The following SLC5A12 variants were observed in gnomAD, a reference collection of about 807,000 sequenced individuals.
SLC5A12 encodes solute carrier family 5 member 12.
SLC5A12 carries 46 observed loss-of-function variants against 72.7 expected under a neutral mutation model. The observed-to-expected ratio is 0.63, with a 90% confidence interval of 0.50 to 0.81. The LOEUF is 0.81. Among genes scored for constraint, SLC5A12 ranks in the 30% least tolerant of loss-of-function variants. The pLI is 0.00. For synonymous variants in SLC5A12, 275 were observed against 264.4 expected (o/e 1.04, Z -0.39); for missense variants, 683 against 740.7 (o/e 0.92, Z 0.90).
At chr11:26,720,499 A>C (rs1219081753) in intron 1 of SLC5A12, among the ~76,000 whole-genome samples, 1 of 152,082 alleles carries the variant, frequency 6.6e-6, no homozygotes, top group Non-Finnish European at 1.5e-5. Flanking sequence ...CTTCCTAAAA[A>C]GTGTTCATTT....
At chr11:26,716,154 C>T (rs1031404703) in intron 1 of SLC5A12, 3 of 152,016 alleles carry the variant, frequency 2.0e-5, no homozygotes, top group Admixed American at 1.3e-4. Flanking sequence ...AGTAAAGCCA[C>T]GAGGCTATTG....
At chr11:26,676,491 A>G (rs1410687953) in intron 13 of SLC5A12, among the ~76,000 whole-genome samples, 1 of 152,138 alleles carries the variant, frequency 6.6e-6, no homozygotes, top group Non-Finnish European at 1.5e-5. Flanking sequence ...TTTATGGTAA[A>G]TGAGAAAAAT....
Position 26,711,402 on chromosome 11 carries a change from T to C in SLC5A12, c.406-44A>G, listed in dbSNP as rs771327479. 9 of 1,524,256 alleles carry C rather than the reference T, an allele frequency of 5.9e-6. No homozygotes were observed. The Admixed American group carries it at 6.8e-5, about 12-fold the overall frequency. The allele number at this position is 1,524,256 out of a possible 1,614,324, so 94.4% of individuals were successfully genotyped here. ...TCAGATTGGCAGTGAGAAAGGGACA[T>C]AGAAAGGAAAACTGCCTAGAAAGTT... On this transcript the variant is annotated intron_variant, in intron 2 of 14. Coordinates refer to ENST00000396005, the MANE Select transcript of SLC5A12 (RefSeq NM_178498.4).
chr11:26,721,586 A>G lies in SLC5A12; in HGVS notation c.129T>C (p.Val43=), dbSNP rs1457468401. 1 of 1,614,040 alleles carries G rather than the reference A, an allele frequency of 6.2e-7. No individual in the cohort carries two copies. The highest frequency in any genetic ancestry group is 1.3e-5 in the African/African-American group (1 of 74,924). ...RKKATSREFL[V]GGRQMSFGPV... is the part of the protein sequence containing the mutation. ...GGCCAAAGCTCATTTGCCTTCCCCC[A>G]ACCAGGAACTCTCGGGAAGTTGCCT... Residue 43 remains valine (V), a synonymous_variant, in exon 1 of 15, where the codon GTT becomes GTC. Coordinates refer to ENST00000396005, the MANE Select transcript of SLC5A12 (RefSeq NM_178498.4).
At chr11:26,716,647 T>A (rs1197563544) in intron 1 of SLC5A12, among the ~76,000 whole-genome samples, 1 of 152,234 alleles carries the variant, frequency 6.6e-6, no homozygotes, top group East Asian at 1.9e-4. Context: ...ACTTTTCAGG[T>A]TGGTTCGAGC....
At chr11:26,686,300 G>GTTC (rs56772342) in intron 10 of SLC5A12, among the ~76,000 whole-genome samples, 177 bp downstream of exon 10, 141,399 of 152,050 alleles carry the variant, frequency 0.93, 65,827 homozygotes, top group East Asian at 1. Flanking sequence ...GAAAAGATAA[G>GTTC]TTCTTTTTTT....
chr11:26,698,223 A>G (rs184756296), intron 7 of SLC5A12, among the ~76,000 whole-genome samples, 183 bp downstream of exon 7: 43 of 152,074 alleles, frequency 2.8e-4, no homozygotes, highest in Non-Finnish European at 6.2e-4. Context: ...TTACATGCTC[A>G]TTCCCCTGTA....
intron 1 of SLC5A12, among the ~76,000 whole-genome samples, chr11:26,718,524 C>T (rs1310217767): frequency 1.3e-5 from 2 of 152,168 alleles, no homozygotes; most frequent in African/African-American, 2.4e-5. Flanking sequence ...CAGTGGATCT[C>T]GGCAGTTCAC....
intron 6 of SLC5A12, among the ~76,000 whole-genome samples, chr11:26,702,785 T>A (rs1269160739): frequency 2.6e-5 from 4 of 152,198 alleles, no homozygotes; most frequent in African/African-American, 4.8e-5. Flanking sequence ...AGTACAAACA[T>A]CTGTTAAGTG....
chr11:26,711,184 G>T, intron 3 of SLC5A12, 123 bp downstream of exon 3: 1 of 752,714 alleles, frequency 1.3e-6, no homozygotes, highest in Non-Finnish European at 2.3e-6. Flanking sequence ...ACTTCTAATA[G>T]TAATTCAGAA....
intron 9 of SLC5A12, among the ~76,000 whole-genome samples, chr11:26,686,749 C>T (rs1854545371): frequency 6.6e-6 from 1 of 152,170 alleles, no homozygotes; most frequent in African/African-American, 2.4e-5. Flanking sequence ...CAATGACCTG[C>T]TTCCTCATCA....
At chr11:26,689,083 G>A (rs1854603197) in intron 9 of SLC5A12, among the ~76,000 whole-genome samples, 1 of 130,572 alleles carries the variant, frequency 7.7e-6, no homozygotes, top group South Asian at 2.6e-4. Context: ...CCGTAAGAAG[G>A]ACGTTACAAA....
chr11:26,697,346 C>T (rs1186833221), intron 7 of SLC5A12, 94 bp from the exon 8 acceptor site: 15 of 1,081,080 alleles, frequency 1.4e-5, no homozygotes, highest in African/African-American at 3.2e-5. Context: ...TAGTGGTCTT[C>T]TCATCAGTGT....
At chr11:26,673,748 G>C (rs1854201526) in intron 13 of SLC5A12, among the ~76,000 whole-genome samples, 1 of 152,112 alleles carries the variant, frequency 6.6e-6, no homozygotes, top group African/African-American at 2.4e-5. Context: ...CATGACTGTA[G>C]AGTTAAACAG....
At position 26,703,789 on chromosome 11, in the gene SLC5A12, A is replaced by G. The variant is rs779092023; in HGVS notation, c.680+4T>C. On this transcript the variant is annotated splice_donor_region_variant and intron_variant, in intron 5 of 14. Coordinates refer to ENST00000396005, the MANE Select transcript of SLC5A12 (RefSeq NM_178498.4). ...AAAGTATGAAAAAGTTGCATTGGAC[A>G]TACTCAAATATATGTAGTCGAGATC... 1.9e-6 allele frequency: 3 copies of G among 1,613,776 alleles called. No homozygotes were observed. The highest frequency in any genetic ancestry group is 2.2e-5 in the South Asian group (2 of 91,074).
At chr11:26,716,588 C>T (rs1855354769) in intron 1 of SLC5A12, among the ~76,000 whole-genome samples, 1 of 152,096 alleles carries the variant, frequency 6.6e-6, no homozygotes, top group African/African-American at 2.4e-5. Flanking sequence ...TTCAGAACCC[C>T]AAACTTGATC....
At chr11:26,710,007 C>T (rs1003155563) in intron 3 of SLC5A12, among the ~76,000 whole-genome samples, 4 of 152,062 alleles carry the variant, frequency 2.6e-5, no homozygotes, top group African/African-American at 9.7e-5. Flanking sequence ...CTAAGGCTAT[C>T]CCTCCCCTAG....
chr11:26,718,469 A>AT (rs1308340252), intron 1 of SLC5A12, among the ~76,000 whole-genome samples: 1 of 151,972 alleles, frequency 6.6e-6, no homozygotes, highest in African/African-American at 2.4e-5. Context: ...TTTTTATTTT[A>AT]TTTTTTTAAA....
intron 3 of SLC5A12, among the ~76,000 whole-genome samples, chr11:26,710,375 T>C (rs1855194996): frequency 6.6e-6 from 1 of 152,166 alleles, no homozygotes; most frequent in African/African-American, 2.4e-5. Context: ...TTTGGGTGCA[T>C]ACCCAGTAAT....
Sources: gnomAD v4.1 joint callset for allele counts (sites outside exome capture counted in the v4.1 genomes callset) on GRCh38, gnomAD v4.1.1 for gene constraint, MANE v1.5 for transcripts, NCBI Gene and HGNC (gene_info 2026-07-23, HGNC 2026-07-21) for gene names.